The following CDK8 variants were observed in gnomAD, a reference collection of about 807,000 sequenced individuals.
CDK8 encodes the protein cyclin-dependent kinase 8.
Under a neutral mutation model 71.5 loss-of-function variants are expected in CDK8, and 29 were observed. The observed-to-expected ratio is 0.41, with a 90% confidence interval of 0.30 to 0.55. CDK8 has a LOEUF of 0.55. Among genes scored for constraint, CDK8 ranks in the 20% least tolerant of loss-of-function variants. The probability of loss-of-function intolerance (pLI) is 0.37; values close to 1 mark genes in which losing one functional copy is unlikely to be tolerated. For missense variants in CDK8, 288 were observed against 572.6 expected (o/e 0.50, Z 5.07); for synonymous variants, 161 against 192.1 (o/e 0.84, Z 1.34).
chr13:26,272,144 A>C (rs1290158708), intron 1 of CDK8, among the ~76,000 whole-genome samples: 1 of 152,002 alleles, frequency 6.6e-6, no homozygotes, highest in Non-Finnish European at 1.5e-5. Flanking sequence ...AACATTGTAT[A>C]GGTGTATAAA....
At chr13:26,256,685 A>G (rs1295812654) in intron 1 of CDK8, among the ~76,000 whole-genome samples, 2 of 152,208 alleles carry the variant, frequency 1.3e-5, no homozygotes, top group Admixed American at 1.3e-4. Flanking sequence ...TAATTTCAAT[A>G]TCTTTGAATT....
intron 2 of CDK8, among the ~76,000 whole-genome samples, chr13:26,344,612 C>T (rs1023825954): frequency 6.6e-6 from 1 of 151,992 alleles, no homozygotes; most frequent in African/African-American, 2.4e-5. Flanking sequence ...CAAAAAAATA[C>T]AAAAATTAGC....
intron 4 of CDK8, among the ~76,000 whole-genome samples, chr13:26,360,760 G>C (rs1874100789): frequency 6.6e-6 from 1 of 152,118 alleles, no homozygotes. Flanking sequence ...GGTTATTTCT[G>C]ATTTTACCTA....
intron 2 of CDK8, among the ~76,000 whole-genome samples, chr13:26,348,292 G>T (rs1397693935): frequency 6.6e-6 from 1 of 152,120 alleles, no homozygotes; most frequent in East Asian, 1.9e-4. Flanking sequence ...TGGGATTATT[G>T]TGTAACGCAG....
At chr13:26,283,334 G>T (rs1872845777) in intron 1 of CDK8, among the ~76,000 whole-genome samples, 1 of 152,246 alleles carries the variant, frequency 6.6e-6, no homozygotes, top group African/African-American at 2.4e-5. Context: ...AATTGGCTGG[G>T]CACGGTGGCT....
chr13:26,324,920 C>G (rs1369076897), intron 1 of CDK8: 1 of 218,788 alleles, frequency 4.6e-6, no homozygotes. Context: ...TTTCTTTCAG[C>G]CTCCAAGACA....
chr13:26,381,908 C>G (rs796626448), intron 4 of CDK8, among the ~76,000 whole-genome samples: 4 of 152,266 alleles, frequency 2.6e-5, no homozygotes, highest in African/African-American at 9.6e-5. Flanking sequence ...TCACTACAAT[C>G]TTTGATTTTA....
intron 4 of CDK8, among the ~76,000 whole-genome samples, chr13:26,360,933 G>A (rs1167159397): frequency 6.6e-6 from 1 of 152,030 alleles, no homozygotes; most frequent in Non-Finnish European, 1.5e-5. Flanking sequence ...CTACTCAGAA[G>A]AACTCAGCTC....
intron 4 of CDK8, among the ~76,000 whole-genome samples, chr13:26,376,488 CAT>C (rs1307612457): frequency 8.5e-5 from 13 of 152,210 alleles, no homozygotes; most frequent in Middle Eastern, 3.4e-3. Flanking sequence ...AATATATACA[CAT>C]GTTAATATGT....
At chr13:26,272,250 G>T (rs939489372) in intron 1 of CDK8, among the ~76,000 whole-genome samples, 1 of 151,900 alleles carries the variant, frequency 6.6e-6, no homozygotes, top group African/African-American at 2.4e-5. Flanking sequence ...CCAACACTTC[G>T]GGAGGCTTGA....
intron 4 of CDK8, chr13:26,359,779 G>C (rs912962499): frequency 1.8e-5 from 7 of 397,420 alleles, no homozygotes; most frequent in Non-Finnish European, 3.0e-5. Flanking sequence ...GCAATGGCAT[G>C]ATCACAGCTC....
intron 1 of CDK8, among the ~76,000 whole-genome samples, chr13:26,321,581 A>T (rs1443867431): frequency 2.0e-5 from 3 of 152,146 alleles, no homozygotes; most frequent in African/African-American, 7.2e-5. Flanking sequence ...AAAAAGTGAC[A>T]ATGTGTGTAA....
At chr13:26,276,407 G>A (rs1872564653) in intron 1 of CDK8, among the ~76,000 whole-genome samples, 1 of 152,156 alleles carries the variant, frequency 6.6e-6, no homozygotes, top group Non-Finnish European at 1.5e-5. Context: ...GAGCTCTTGA[G>A]CTTGAGCAGT....
At chr13:26,399,187 A>G (rs1312936271) in intron 9 of CDK8, among the ~76,000 whole-genome samples, 1 of 151,484 alleles carries the variant, frequency 6.6e-6, no homozygotes, top group East Asian at 2.0e-4. Flanking sequence ...TTTTTGTATT[A>G]TTAGTAGAGA....
intron 1 of CDK8, among the ~76,000 whole-genome samples, chr13:26,305,553 T>C (rs941251036): frequency 6.6e-6 from 1 of 152,152 alleles, no homozygotes. Flanking sequence ...CTCTTTCTTG[T>C]CCCTCTCTCT....
chr13:26,349,223 A>T, intron 3 of CDK8, 41 bp downstream of exon 3: 1 of 1,104,394 alleles, frequency 9.1e-7, no homozygotes, highest in Non-Finnish European at 1.4e-6. Flanking sequence ...ACAGTCAGGG[A>T]TTGTTAAGAG....
chr13:26,271,921 G>C (rs1489128281), intron 1 of CDK8, among the ~76,000 whole-genome samples: 1 of 146,898 alleles, frequency 6.8e-6, no homozygotes, highest in Non-Finnish European at 1.5e-5. Context: ...AAGTTGCTCT[G>C]GGTGAGTCAG....
intron 1 of CDK8, among the ~76,000 whole-genome samples, chr13:26,328,913 A>C (rs1252460644): frequency 6.6e-6 from 1 of 152,138 alleles, no homozygotes; most frequent in African/African-American, 2.4e-5. Context: ...TTTGTCTTCC[A>C]TTCAGCCATT....
chr13:26,351,169 A>C (rs899174359), intron 3 of CDK8, among the ~76,000 whole-genome samples: 1 of 152,158 alleles, frequency 6.6e-6, no homozygotes, highest in Non-Finnish European at 1.5e-5. Context: ...AAGAATTACT[A>C]TACTCCTGTG....
Sources: gnomAD v4.1 joint callset for allele counts (sites outside exome capture counted in the v4.1 genomes callset) on GRCh38, gnomAD v4.1.1 for gene constraint, MANE v1.5 for transcripts, NCBI Gene and HGNC (gene_info 2026-07-23, HGNC 2026-07-21) for gene names.